Variants in EYS observed in about 807,000 individuals in gnomAD.
EYS encodes the protein EGF-like photoreceptor maintenance factor, also known as protein eyes shut homolog.
A neutral mutation model predicts 282.1 loss-of-function variants in EYS; 250 were observed. That is an observed-to-expected ratio of 0.89 (90% CI 0.80 to 0.98). The LOEUF (loss-of-function observed/expected upper bound fraction) is 0.98, where lower values mean the gene tolerates loss of function less well. Ranked by LOEUF, EYS falls within the 50% of genes least tolerant of loss-of-function variation. The pLI is 0.00. For missense variants in EYS, 4,016 were observed against 3,709.0 expected (o/e 1.08, Z -2.15); for synonymous variants, 1,355 against 1,282.9 (o/e 1.06, Z -1.20).
intron 35 of EYS, among the ~76,000 whole-genome samples, chr6:63,954,401 G>A (rs10944201): frequency 0.3 from 45,139 of 151,990 alleles, 6,812 homozygotes; most frequent in Admixed American, 0.38. Flanking sequence ...GCAAAGGGAC[G>A]AGGCATCAAT....
chr6:65,434,458 C>T (rs1268356668), intron 5 of EYS, among the ~76,000 whole-genome samples: 1 of 151,922 alleles, frequency 6.6e-6, no homozygotes, highest in Admixed American at 6.6e-5. Flanking sequence ...GTAGCTGGGA[C>T]TACAGGCGCC....
intron 28 of EYS, among the ~76,000 whole-genome samples, chr6:64,408,015 C>T (rs965909161): frequency 6.6e-6 from 1 of 152,094 alleles, no homozygotes. Context: ...GCATGAGCCA[C>T]GGCGTCCAGC....
At chr6:64,830,355 T>C (rs1218711219) in intron 19 of EYS, among the ~76,000 whole-genome samples, 2 of 151,876 alleles carry the variant, frequency 1.3e-5, no homozygotes, top group Admixed American at 1.3e-4. Context: ...GTGATGCTGA[T>C]AATGGGGAGG....
intron 31 of EYS, among the ~76,000 whole-genome samples, chr6:64,087,389 G>A (rs575461575): frequency 6.6e-6 from 1 of 152,172 alleles, no homozygotes; most frequent in African/African-American, 2.4e-5. Context: ...GTTTTTGGGA[G>A]GTCCTGGACA....
intron 5 of EYS, among the ~76,000 whole-genome samples, chr6:65,473,676 A>T (rs1263530572): frequency 2.0e-4 from 30 of 151,990 alleles, no homozygotes; most frequent in Non-Finnish European, 2.9e-5. Flanking sequence ...TTACTCAACT[A>T]CTGCACATGA....
chr6:64,241,197 G>C (rs1463549818), intron 30 of EYS, among the ~76,000 whole-genome samples: 1 of 152,066 alleles, frequency 6.6e-6, no homozygotes, highest in Admixed American at 6.6e-5. Flanking sequence ...ATATTGGCCT[G>C]AAATTTTCTT....
intron 33 of EYS, among the ~76,000 whole-genome samples, chr6:64,025,645 T>C (rs796786838): frequency 6.6e-6 from 1 of 152,194 alleles, no homozygotes; most frequent in African/African-American, 2.4e-5. Flanking sequence ...AGCTCCGTCA[T>C]AGTGGGGACT....
At chr6:63,780,297 G>T (rs1770184225) in intron 39 of EYS, among the ~76,000 whole-genome samples, 1 of 152,112 alleles carries the variant, frequency 6.6e-6, no homozygotes, top group South Asian at 2.1e-4. Flanking sequence ...GGTATTTCTA[G>T]TTCTAGATCC....
chr6:65,333,966 C>T (rs1408905162), intron 11 of EYS, among the ~76,000 whole-genome samples: 1 of 150,354 alleles, frequency 6.7e-6, no homozygotes, highest in East Asian at 2.0e-4. Context: ...TCTAAAGTGT[C>T]TTCCGTAAAC....
intron 19 of EYS, among the ~76,000 whole-genome samples, chr6:64,849,875 A>AT (rs1234408233): frequency 7.9e-5 from 12 of 151,782 alleles, no homozygotes; most frequent in African/African-American, 2.9e-4. Flanking sequence ...AAAAAAAGAA[A>AT]GGTATGTGAT....
intron 26 of EYS, among the ~76,000 whole-genome samples, chr6:64,556,823 C>T (rs1265245328): frequency 1.3e-5 from 2 of 151,808 alleles, no homozygotes; most frequent in African/African-American, 2.4e-5. Flanking sequence ...CCTGTTATCA[C>T]TGAAAACCAA....
At chr6:63,760,654 A>G (rs937057837) in intron 41 of EYS, among the ~76,000 whole-genome samples, 6 of 31,364 alleles carry the variant, frequency 1.9e-4, no homozygotes, top group South Asian at 1.2e-3. Context: ...ATGTATATCT[A>G]TCTATCTATC....
At chr6:64,765,075 T>A (rs932741063) in intron 22 of EYS, among the ~76,000 whole-genome samples, 2 of 152,112 alleles carry the variant, frequency 1.3e-5, no homozygotes, top group African/African-American at 4.8e-5. Flanking sequence ...TTTCAGATAA[T>A]CTCTTTGTTC....
intron 26 of EYS, among the ~76,000 whole-genome samples, chr6:64,582,473 C>T (rs757093801): frequency 1.3e-5 from 2 of 151,986 alleles, no homozygotes; most frequent in Non-Finnish European, 2.9e-5. Flanking sequence ...TTGGGGACTG[C>T]TGATGTACAT....
chr6:64,619,940 C>A (rs1767391901), intron 23 of EYS, among the ~76,000 whole-genome samples: 1 of 152,140 alleles, frequency 6.6e-6, no homozygotes, highest in African/African-American at 2.4e-5. Flanking sequence ...AAAGGGAGAT[C>A]AGGCCCTATA....
At chr6:64,380,672 C>T (rs1772712609) in intron 29 of EYS, among the ~76,000 whole-genome samples, 1 of 152,054 alleles carries the variant, frequency 6.6e-6, no homozygotes, top group East Asian at 1.9e-4. Context: ...AATTAAATTG[C>T]TATACACCAA....
intron 5 of EYS, among the ~76,000 whole-genome samples, chr6:65,456,031 AAGAAAGAAAGAAAG>A (rs199851910): frequency 0.1 from 14,961 of 145,792 alleles, 1,024 homozygotes; most frequent in Non-Finnish European, 0.16. Flanking sequence ...GAAGGAAGGG[AAGAAAGAAAGAAAG>A]AGAAAGAAAG....
At chr6:65,229,519 A>T (rs1371235102) in intron 12 of EYS, among the ~76,000 whole-genome samples, 4 of 151,800 alleles carry the variant, frequency 2.6e-5, no homozygotes, top group Non-Finnish European at 5.9e-5. Flanking sequence ...ACGAAGTTAC[A>T]GAAAAAAAAA....
At chr6:64,583,197 G>A (rs1489459637) in intron 26 of EYS, among the ~76,000 whole-genome samples, 1 of 151,960 alleles carries the variant, frequency 6.6e-6, no homozygotes, top group East Asian at 1.9e-4. Context: ...CTTCTTTGGT[G>A]TTTAATAGTT....
Sources: allele counts gnomAD v4.1 joint callset (sites outside exome capture counted in the v4.1 genomes callset), GRCh38; gene constraint gnomAD v4.1.1; transcripts MANE v1.5; gene names NCBI Gene and HGNC (gene_info 2026-07-23, HGNC 2026-07-21).